The following BRINP3 variants were observed in gnomAD, a reference collection of about 807,000 sequenced individuals.
BRINP3 encodes BMP/retinoic acid inducible neural specific 3.
Under a neutral mutation model 71.0 loss-of-function variants are expected in BRINP3, and 19 were observed. The observed-to-expected ratio is 0.27, with a 90% CI of 0.19 to 0.39. The LOEUF is 0.39. Among genes scored for constraint, BRINP3 ranks in the 10% least tolerant of loss-of-function variants. BRINP3 has a pLI of 1.00. For missense variants in BRINP3, 959 were observed against 940.8 expected, an observed-to-expected ratio of 1.02 and a Z score of -0.25; for synonymous variants, 380 against 337.7, an observed-to-expected ratio of 1.13 and a Z score of -1.37.
intron 2 of BRINP3, among the ~76,000 whole-genome samples, chr1:190,343,310 G>C (rs1467204046): frequency 6.6e-6 from 1 of 151,768 alleles, no homozygotes; most frequent in Non-Finnish European, 1.5e-5. Flanking sequence ...TTTAAGGCTA[G>C]AGTTTGAGAG....
At chr1:190,345,877 T>C (rs1207869030) in intron 2 of BRINP3, among the ~76,000 whole-genome samples, 1 of 151,922 alleles carries the variant, frequency 6.6e-6, no homozygotes, top group African/African-American at 2.4e-5. Flanking sequence ...AGTCCTAAAA[T>C]TGATTCCAAA....
Position 190,177,150 on chromosome 1 carries a change from C to CTTTT in BRINP3, c.962-16264_962-16261dup, listed in dbSNP as rs1030190199. Among the ~76,000 whole-genome samples, 186 of 63,228 alleles carry CTTTT rather than the reference C, an allele frequency of 2.9e-3. 8 individuals carry two copies. Among genetic ancestry groups the CTTTT allele is most frequent in the African/African-American group, 3.7e-3 (50 of 13,636 alleles). The allele number at this position is 63,228 out of a possible 152,430, so 41.5% of individuals were successfully genotyped here. ...TGGTTTGTCATGGAAGCACCCACTTCTTTTTTTTTTTTTTTTTTTTTTTTT... is the reference window on the plus strand; with the variant it reads ...TGGTTTGTCATGGAAGCACCCACTTCTTTTTTTTTTTTTTTTTTTTTTTTTTTTT... On this transcript the variant is annotated intron_variant, in intron 6 of 7. Transcript: ENST00000367462.
chr1:190,322,022 T>G (rs1440860537), intron 2 of BRINP3, among the ~76,000 whole-genome samples: 1 of 152,026 alleles, frequency 6.6e-6, no homozygotes, highest in East Asian at 1.9e-4. Context: ...AAATCTATTT[T>G]TATATATGTG....
chr1:190,378,822 C>T (rs1459259338), intron 2 of BRINP3, among the ~76,000 whole-genome samples: 1 of 152,106 alleles, frequency 6.6e-6, no homozygotes, highest in Non-Finnish European at 1.5e-5. Flanking sequence ...TATTTCCTGG[C>T]TTGGGGTTCC....
At chr1:190,428,465 A>G (rs1673872820) in intron 2 of BRINP3, among the ~76,000 whole-genome samples, 1 of 152,004 alleles carries the variant, frequency 6.6e-6, no homozygotes, top group East Asian at 1.9e-4. Flanking sequence ...CTAATGAAAA[A>G]AAGTATTTAC....
intron 3 of BRINP3, among the ~76,000 whole-genome samples, chr1:190,268,783 G>A (rs954919038): frequency 6.6e-6 from 1 of 152,074 alleles, no homozygotes; most frequent in Non-Finnish European, 1.5e-5. Context: ...AAATAATAAT[G>A]GATTAGATCA....
intron 7 of BRINP3, among the ~76,000 whole-genome samples, chr1:190,102,204 A>G (rs1651764344): frequency 6.6e-6 from 1 of 152,170 alleles, no homozygotes; most frequent in South Asian, 2.1e-4. Flanking sequence ...TCTTAGTGAA[A>G]GCAGCAGTCA....
At chr1:190,150,266 ATGTGTGTGTG>A (rs10640861) in intron 7 of BRINP3, among the ~76,000 whole-genome samples, 3 of 128,128 alleles carry the variant, frequency 2.3e-5, no homozygotes, top group Non-Finnish European at 3.2e-5. Flanking sequence ...GTGCATATCT[ATGTGTGTGTG>A]TGTGTGTGTG....
chr1:190,152,445 A>G (rs1475378330), intron 7 of BRINP3, among the ~76,000 whole-genome samples: 1 of 151,750 alleles, frequency 6.6e-6, no homozygotes, highest in East Asian at 1.9e-4. Flanking sequence ...CTGATTCTCT[A>G]TAAATATAAT....
chr1:190,167,333 A>C (rs1651643857), intron 6 of BRINP3, among the ~76,000 whole-genome samples: 1 of 152,170 alleles, frequency 6.6e-6, no homozygotes, highest in Admixed American at 6.5e-5. Context: ...ACACAGCATT[A>C]AGGGTAGAAT....
intron 2 of BRINP3, among the ~76,000 whole-genome samples, chr1:190,424,302 C>G (rs932717876): frequency 6.6e-6 from 1 of 151,502 alleles, no homozygotes; most frequent in Non-Finnish European, 1.5e-5. Context: ...TTACAGCTTT[C>G]CAATCATTCA....
At chr1:190,348,912 G>A (rs546838002) in intron 2 of BRINP3, among the ~76,000 whole-genome samples, 39 of 152,164 alleles carry the variant, frequency 2.6e-4, no homozygotes, top group African/African-American at 7.9e-4. Flanking sequence ...ATAACACAAC[G>A]CAACTTGTTC....
intron 3 of BRINP3, among the ~76,000 whole-genome samples, chr1:190,280,474 T>A (rs905753950): frequency 3.3e-5 from 5 of 151,460 alleles, no homozygotes; most frequent in African/African-American, 7.3e-5. Context: ...AAAAAAAAAA[T>A]GATGATGTCT....
At chr1:190,277,272 A>C (rs2102921257) in intron 3 of BRINP3, among the ~76,000 whole-genome samples, 1 of 150,154 alleles carries the variant, frequency 6.7e-6, no homozygotes, top group South Asian at 2.1e-4. Flanking sequence ...TGCCCATGAA[A>C]ACTCCACCTC....
At chr1:190,240,227 A>G (rs1280640217) in intron 4 of BRINP3, among the ~76,000 whole-genome samples, 1 of 152,042 alleles carries the variant, frequency 6.6e-6, no homozygotes, top group African/African-American at 2.4e-5. Flanking sequence ...AAAAGGATGA[A>G]TAAATAAGCA....
rs1285508216 is a variant in BRINP3 at position 190,441,881 on chromosome 1, G to A, written c.236+12774C>T. Among the ~76,000 whole-genome samples the A allele has an allele frequency of 2.0e-5, 3 of 152,158 alleles. No individual in the cohort carries two copies. The East Asian group carries it at 5.8e-4, about 29-fold the overall frequency. ...GGATAGGATTAGAAGGTACACCCTGGAATGTGGTTTGCTCCCAGTAATTTG... is the reference window on the plus strand; with the variant it reads ...GGATAGGATTAGAAGGTACACCCTGAAATGTGGTTTGCTCCCAGTAATTTG... On this transcript the variant is annotated intron_variant, in intron 2 of 7. Coordinates refer to ENST00000367462, the MANE Select transcript of BRINP3 (RefSeq NM_199051.3).
chr1:190,127,391 G>T (rs545056857), intron 7 of BRINP3, among the ~76,000 whole-genome samples: 61 of 151,676 alleles, frequency 4.0e-4, no homozygotes, highest in South Asian at 1.2e-3. Context: ...CAACATATTG[G>T]CCTATTTAAA....
Position 190,382,549 on chromosome 1 carries a change from C to A in BRINP3, c.236+72106G>T, listed in dbSNP as rs566614799. On this transcript the variant is annotated intron_variant, in intron 2 of 7. Coordinates refer to ENST00000367462, the MANE Select transcript of BRINP3 (RefSeq NM_199051.3). ...TTTAAAGGTGAGGAAAACGGACACT[C>A]ATTCCTTAATCTTCCCGAGGAAAAG... is the stretch of plus-strand genomic sequence containing the variant. 9.9e-5 allele frequency among the ~76,000 whole-genome samples: 15 copies of A among 152,214 alleles called. No homozygotes were observed. In the South Asian group the frequency reaches 3.1e-3, roughly 32 times the overall value.
intron 2 of BRINP3, among the ~76,000 whole-genome samples, chr1:190,408,735 A>T (rs2102398623): frequency 6.6e-6 from 1 of 152,362 alleles, no homozygotes; most frequent in South Asian, 2.1e-4. Flanking sequence ...TCCAGAGAAT[A>T]AGTGGTGTTT....
Sources: allele counts gnomAD v4.1 joint callset (sites outside exome capture counted in the v4.1 genomes callset), GRCh38; gene constraint gnomAD v4.1.1; transcripts MANE v1.5; gene names NCBI Gene and HGNC (gene_info 2026-07-23, HGNC 2026-07-21).